The following COL21A1 variants were observed in gnomAD, a reference collection of about 807,000 sequenced individuals.
COL21A1 encodes collagen type XXI alpha 1 chain.
Under a neutral mutation model 137.9 loss-of-function variants are expected in COL21A1, and 149 were observed. That is an observed-to-expected ratio of 1.08 (90% CI 0.95 to 1.24). The LOEUF (loss-of-function observed/expected upper bound fraction) is 1.24, where lower values mean the gene tolerates loss of function less well. Among genes scored for constraint, COL21A1 ranks in the 50% most tolerant of loss-of-function variants. COL21A1 has a pLI of 0.00. For synonymous variants in COL21A1, 456 were observed against 391.5 expected (o/e 1.16, Z -1.95); for missense variants, 1,167 against 1,158.4 (o/e 1.01, Z -0.11).
At position 56,150,247 on chromosome 6, in the gene COL21A1, C is replaced by T. The variant is rs576185375; in HGVS notation, c.1434+6640G>A. On this transcript the variant is annotated intron_variant, in intron 10 of 29. Coordinates refer to ENST00000244728, the MANE Select transcript of COL21A1 (RefSeq NM_030820.4). ...AAGAGTTGGGGGAACTGGCTGGGTG[C>T]GGTGGCTCACGCCTGTAATCCCACT... Among the ~76,000 whole-genome samples the T allele has an allele frequency of 4.1e-3, 629 of 152,152 alleles. 11 individuals are homozygous for T. Among genetic ancestry groups the T allele is most frequent in the African/African-American group, 0.015 (602 of 41,504 alleles).
At position 56,272,603 on chromosome 6, in the gene COL21A1, C is replaced by T. The variant is rs143577614; in HGVS notation, c.-38-89947G>A. Among the ~76,000 whole-genome samples, 445 of 152,156 alleles carry T rather than the reference C, an allele frequency of 2.9e-3. 5 individuals are homozygous for T. The highest frequency in any genetic ancestry group is 0.01 in the African/African-American group (416 of 41,504). On this transcript the variant is annotated intron_variant, in intron 1 of 28. Coordinates refer to the COL21A1 transcript ENST00000370819. ...CCAGGGGTGTAATGATGTGGCTTGG[C>T]TCTGTGTCCCCACCCAAATCTCATC...
At chr6:56,075,344 G>T in intron 19 of COL21A1, 135 bp downstream of exon 19, 1 of 660,856 alleles carries the variant, frequency 1.5e-6, no homozygotes, top group South Asian at 2.0e-5. Context: ...TCATACAACA[G>T]AATGGAATTC....
intron 1 of COL21A1, among the ~76,000 whole-genome samples, chr6:56,224,605 T>C (rs1781074109): frequency 6.6e-6 from 1 of 152,062 alleles, no homozygotes; most frequent in South Asian, 2.1e-4. Flanking sequence ...TTTTTAAAAA[T>C]CATATTTAAT....
Position 56,125,606 on chromosome 6 carries a change from G to T in COL21A1, c.1611C>A (p.Ala537=). The T allele has an allele frequency of 6.3e-7, 1 of 1,590,012 alleles. No homozygotes were observed. Among genetic ancestry groups the T allele is most frequent in the Non-Finnish European group, 8.6e-7 (1 of 1,164,958 alleles). The stretch of plus-strand genomic sequence containing the variant: ...ATCCAGGTGATCCTTTGTCTCCTTT[G>T]GCACCCATTTCACCCTAAAAGACAA... ...GMPGSKGEMG[A]KGDKGSPGFY... is the part of the protein sequence containing the mutation. The change falls in exon 14 of 30, where the codon GCC becomes GCA. Residue 537 remains alanine (A), a synonymous_variant. Coordinates refer to ENST00000244728, the MANE Select transcript of COL21A1 (RefSeq NM_030820.4).
rs560973458 is a variant in COL21A1, at chr6:56,240,673, A to G, written c.-39+6714T>C. 2.0e-5 allele frequency among the ~76,000 whole-genome samples: 3 copies of G among 152,256 alleles called. No individual in the cohort carries two copies. The East Asian group carries it at 5.8e-4, about 29-fold the overall frequency. On this transcript the variant is annotated intron_variant, in intron 1 of 29. Transcript: ENST00000244728. The stretch of plus-strand genomic sequence containing the variant: ...GCTTTTAACTAAGAAAAATATACAA[A>G]TGGCAAAATGAAAGAGAACTTTGCA...
intron 1 of COL21A1, among the ~76,000 whole-genome samples, chr6:56,184,700 T>C (rs1042243355): frequency 2.6e-5 from 4 of 152,266 alleles, no homozygotes; most frequent in South Asian, 2.1e-4. Flanking sequence ...TTTCAAAAAA[T>C]TGAAACCATA....
chr6:56,170,578 C>T, intron 5 of COL21A1, 71 bp downstream of exon 5: 1 of 995,266 alleles, frequency 1.0e-6, no homozygotes. Flanking sequence ...CCTCTTTTCC[C>T]CAACACACAT....
At chr6:56,360,681 T>C (rs755859148) in intron 1 of COL21A1, among the ~76,000 whole-genome samples, 4 of 152,246 alleles carry the variant, frequency 2.6e-5, no homozygotes, top group African/African-American at 4.8e-5. Flanking sequence ...AGTGGAAATG[T>C]ATCTAAATAA....
chr6:56,144,146 A>AT lies in COL21A1; in HGVS notation c.1435-2164_1435-2163insA, dbSNP rs1582472714. ...TCAGCTCTGTCACTGCTAGCAATGT[A>AT]CAAATATAGAATTCACTTTCCTCCT... On this transcript the variant is annotated intron_variant, in intron 10 of 29. Transcript: ENST00000244728. Among the ~76,000 whole-genome samples, 6 of 152,190 alleles carry AT rather than the reference A, an allele frequency of 3.9e-5. No individual in the cohort carries two copies. In the East Asian group the frequency reaches 1.2e-3, roughly 29 times the overall value.
At chr6:56,321,667 G>A (rs1459120963) in intron 1 of COL21A1, among the ~76,000 whole-genome samples, 5 of 152,132 alleles carry the variant, frequency 3.3e-5, no homozygotes, top group Non-Finnish European at 5.9e-5. Context: ...GCTAACAAAG[G>A]TACAGTGCAG....
At chr6:56,133,337 C>G (rs528436280) in intron 12 of COL21A1, among the ~76,000 whole-genome samples, 5 of 152,094 alleles carry the variant, frequency 3.3e-5, no homozygotes, top group African/African-American at 1.2e-4. Flanking sequence ...TTTCCCCTGC[C>G]CTAAAGATTT....
chr6:56,096,149 C>A (rs12207398), intron 17 of COL21A1, among the ~76,000 whole-genome samples: 23,050 of 55,942 alleles, frequency 0.41, 1,773 homozygotes, highest in Middle Eastern at 0.49. Context: ...GTCTGGCCTG[C>A]ATTTTTTTTT....
At chr6:56,211,668 T>A (rs115954217) in intron 1 of COL21A1, among the ~76,000 whole-genome samples, 140 of 152,254 alleles carry the variant, frequency 9.2e-4, no homozygotes, top group African/African-American at 3.2e-3. Flanking sequence ...GTCACTCGAA[T>A]GTATGATACA....
At position 56,352,540 on chromosome 6, in the gene COL21A1, G is replaced by GAA. The variant is rs5876505; in HGVS notation, c.-39+41429_-39+41430dup. On this transcript the variant is annotated intron_variant, in intron 1 of 28. Coordinates refer to the COL21A1 transcript ENST00000370819. Reference sequence around the variant, plus strand: ...TCTGAATTCAGAGAATGCAACTAAGGAAAAAAAAAAGAAAAAATGCAGTTG... The same window carrying GAA: ...TCTGAATTCAGAGAATGCAACTAAGGAAAAAAAAAAAAGAAAAAATGCAGTTG... 9.0e-3 allele frequency among the ~76,000 whole-genome samples: 1,323 copies of GAA among 146,876 alleles called. 29 individuals carry two copies. Among genetic ancestry groups the GAA allele is most frequent in the African/African-American group, 0.031 (1,238 of 40,024 alleles).
chr6:56,106,095 T>A (rs1340731620), intron 16 of COL21A1, among the ~76,000 whole-genome samples: 1 of 152,228 alleles, frequency 6.6e-6, no homozygotes, highest in Non-Finnish European at 1.5e-5. Flanking sequence ...ATGCAACTTC[T>A]ATATTTCCTT....
At chr6:56,324,949 T>C (rs752738545) in intron 1 of COL21A1, among the ~76,000 whole-genome samples, 1 of 151,830 alleles carries the variant, frequency 6.6e-6, no homozygotes, top group Non-Finnish European at 1.5e-5. Context: ...AGTACTTTTA[T>C]CTCTGAAGAT....
chr6:56,075,444 C>G (rs1188382980), intron 19 of COL21A1, 35 bp downstream of exon 19: 1 of 1,518,764 alleles, frequency 6.6e-7, no homozygotes, highest in South Asian at 1.3e-5. Context: ...ACACTGCAAA[C>G]ACTTTGATGT....
chr6:56,191,355 G>A (rs1278065819), intron 1 of COL21A1, among the ~76,000 whole-genome samples: 4 of 151,656 alleles, frequency 2.6e-5, no homozygotes, highest in Non-Finnish European at 5.9e-5. Flanking sequence ...GGGAGGCAGA[G>A]GTGGGCGGAT....
At chr6:56,362,051 C>G (rs185651682) in intron 1 of COL21A1, among the ~76,000 whole-genome samples, 5 of 152,272 alleles carry the variant, frequency 3.3e-5, no homozygotes, top group African/African-American at 1.2e-4. Flanking sequence ...TGAGCGCTTG[C>G]CCCTGGAAAC....
Sources: gnomAD v4.1 joint callset for allele counts (sites outside exome capture counted in the v4.1 genomes callset) on GRCh38, gnomAD v4.1.1 for gene constraint, MANE v1.5 for transcripts, NCBI Gene and HGNC (gene_info 2026-07-23, HGNC 2026-07-21) for gene names.